Variants in TAFA1 observed in about 807,000 individuals in gnomAD.
The protein encoded by TAFA1 is chemokine-like protein TAFA-1.
In TAFA1, 4 loss-of-function variants were observed where a neutral mutation model predicts 18.5. The ratio of observed to expected loss-of-function variants is 0.22; its 90% CI spans 0.11 to 0.49. The LOEUF is 0.49. TAFA1 is among the 20% of genes least tolerant of loss of function. The pLI is 0.98. For missense variants in TAFA1, 147 were observed against 169.0 expected, an observed-to-expected ratio of 0.87 and a Z score of 0.72; for synonymous variants, 56 against 55.2, an observed-to-expected ratio of 1.01 and a Z score of -0.06.
chr3:68,503,624 A>T (rs531939719), intron 3 of TAFA1, among the ~76,000 whole-genome samples: 1 of 152,166 alleles, frequency 6.6e-6, no homozygotes, highest in Admixed American at 6.6e-5. Flanking sequence ...GACATTGTGA[A>T]TATACTCAAA....
At chr3:68,034,772 T>C (rs1705010372) in intron 2 of TAFA1, among the ~76,000 whole-genome samples, 1 of 152,096 alleles carries the variant, frequency 6.6e-6, no homozygotes, top group Non-Finnish European at 1.5e-5. Flanking sequence ...ACACTATAGA[T>C]TGGGGAGGAC....
chr3:68,500,077 C>T (rs1410184641), intron 3 of TAFA1, among the ~76,000 whole-genome samples: 1 of 152,066 alleles, frequency 6.6e-6, no homozygotes, highest in East Asian at 1.9e-4. Flanking sequence ...TGTTGGCTTC[C>T]TTCCTAGGCT....
chr3:68,416,023 T>C (rs1273871358), intron 2 of TAFA1, among the ~76,000 whole-genome samples: 4 of 152,180 alleles, frequency 2.6e-5, no homozygotes, highest in Non-Finnish European at 5.9e-5. Context: ...CATTGTGGGA[T>C]GTTTAACATA....
At chr3:68,485,455 G>A (rs1460042925) in intron 3 of TAFA1, among the ~76,000 whole-genome samples, 1 of 152,154 alleles carries the variant, frequency 6.6e-6, no homozygotes, top group African/African-American at 2.4e-5. Flanking sequence ...GACAAAGTCA[G>A]AATTTAGATG....
chr3:68,321,391 C>A (rs2068695874), intron 2 of TAFA1, among the ~76,000 whole-genome samples: 1 of 152,100 alleles, frequency 6.6e-6, no homozygotes, highest in Non-Finnish European at 1.5e-5. Context: ...GTATGGCCAT[C>A]TCCTCTGGGG....
At chr3:68,139,107 A>G (rs756833506) in intron 2 of TAFA1, among the ~76,000 whole-genome samples, 10 of 152,362 alleles carry the variant, frequency 6.6e-5, no homozygotes, top group African/African-American at 2.4e-4. Flanking sequence ...AAACACCAAC[A>G]TACTCTAATT....
chr3:68,330,261 G>C (rs2068844242), intron 2 of TAFA1, among the ~76,000 whole-genome samples: 1 of 152,160 alleles, frequency 6.6e-6, no homozygotes, highest in South Asian at 2.1e-4. Flanking sequence ...GGTTCAGTTT[G>C]GGTTGCATGC....
intron 2 of TAFA1, among the ~76,000 whole-genome samples, chr3:68,391,172 C>T (rs1433677598): frequency 6.6e-6 from 1 of 152,090 alleles, no homozygotes; most frequent in African/African-American, 2.4e-5. Context: ...CATAAATGAC[C>T]TGATGGAGCT....
intron 3 of TAFA1, among the ~76,000 whole-genome samples, chr3:68,485,848 T>C (rs918157421): frequency 1.3e-5 from 2 of 152,176 alleles, no homozygotes; most frequent in African/African-American, 4.8e-5. Context: ...TTTGGGATCA[T>C]TGACTATCTC....
chr3:68,388,623 C>T (rs867999811), intron 2 of TAFA1, among the ~76,000 whole-genome samples: 5 of 152,258 alleles, frequency 3.3e-5, no homozygotes, highest in South Asian at 4.1e-4. Flanking sequence ...CCCACATCTA[C>T]AGAGTTAGAT....
chr3:68,083,644 TA>T (rs1257624751), intron 2 of TAFA1, among the ~76,000 whole-genome samples: 1 of 152,160 alleles, frequency 6.6e-6, no homozygotes, highest in African/African-American at 2.4e-5. Context: ...GAAATGGAGT[TA>T]AATGGGAAGC....
chr3:68,421,699 T>G (rs889585334), intron 3 of TAFA1, among the ~76,000 whole-genome samples: 13 of 152,096 alleles, frequency 8.5e-5, no homozygotes, highest in Admixed American at 7.9e-4. Context: ...TTGTGCTGAT[T>G]TTTTTAAGAT....
intron 3 of TAFA1, among the ~76,000 whole-genome samples, chr3:68,472,529 C>CAT (rs1481849078): frequency 2.0e-5 from 3 of 150,482 alleles, no homozygotes; most frequent in African/African-American, 7.3e-5. Context: ...CACACACACA[C>CAT]ACACAAATAC....
At chr3:68,392,283 A>T (rs1305268665) in intron 2 of TAFA1, among the ~76,000 whole-genome samples, 1 of 152,170 alleles carries the variant, frequency 6.6e-6, no homozygotes, top group African/African-American at 2.4e-5. Flanking sequence ...ACATAATGGT[A>T]AAGGATTAAT....
At chr3:68,072,168 T>A (rs1343202578) in intron 2 of TAFA1, among the ~76,000 whole-genome samples, 1 of 152,202 alleles carries the variant, frequency 6.6e-6, no homozygotes, top group Non-Finnish European at 1.5e-5. Flanking sequence ...GAGGATGTAA[T>A]CCTTGAACTG....
intron 2 of TAFA1, among the ~76,000 whole-genome samples, chr3:68,194,847 T>C (rs1229670923): frequency 6.6e-6 from 1 of 151,748 alleles, no homozygotes; most frequent in African/African-American, 2.4e-5. Context: ...TGGTAAAGTG[T>C]ATAACATAGA....
chr3:68,424,477 A>G (rs1477411847), intron 3 of TAFA1, among the ~76,000 whole-genome samples: 3 of 152,052 alleles, frequency 2.0e-5, no homozygotes, highest in South Asian at 2.1e-4. Context: ...ACAAAATAAA[A>G]TTTGACAGAT....
In TAFA1 at chr3:68,343,102, A is replaced by T. The variant is rs957778990; in HGVS notation, c.119-74178A>T. On this transcript the variant is annotated intron_variant, in intron 2 of 4. Coordinates refer to ENST00000478136, the MANE Select transcript of TAFA1 (RefSeq NM_213609.4). ...ATGAAAGCAACTTTCTTAGCAACCC[A>T]CTGGCATCATTTCAAGTTTTCTCAT... Among the ~76,000 whole-genome samples the T allele has an allele frequency of 3.3e-5, 5 of 152,230 alleles. No individual in the cohort carries two copies. In the East Asian group the frequency reaches 9.6e-4, roughly 29 times the overall value.
At chr3:68,427,247 C>G (rs2071074117) in intron 3 of TAFA1, among the ~76,000 whole-genome samples, 1 of 151,872 alleles carries the variant, frequency 6.6e-6, no homozygotes, top group Non-Finnish European at 1.5e-5. Context: ...GATATGATAG[C>G]ACTTTTCATC....
Sources: gnomAD v4.1 joint callset for allele counts (sites outside exome capture counted in the v4.1 genomes callset) on GRCh38, gnomAD v4.1.1 for gene constraint, MANE v1.5 for transcripts, NCBI Gene and HGNC (gene_info 2026-07-23, HGNC 2026-07-21) for gene names.